Variants in DPT observed in about 807,000 individuals in gnomAD.
DPT encodes tyrosine-rich acidic matrix protein.
Under a neutral mutation model 31.2 loss-of-function variants are expected in DPT, and 21 were observed. The ratio of observed to expected loss-of-function variants is 0.67; its 90% CI spans 0.48 to 0.97. The LOEUF is 0.97. DPT is among the 50% of genes least tolerant of loss of function. The pLI is 0.00. For missense variants in DPT, 262 were observed against 258.8 expected (o/e 1.01, Z -0.08); for synonymous variants, 91 against 86.9 (o/e 1.05, Z -0.26).
intron 1 of DPT, among the ~76,000 whole-genome samples, chr1:168,720,464 CT>C (rs111497940): frequency 0.17 from 26,255 of 152,038 alleles, 2,663 homozygotes; most frequent in Non-Finnish European, 0.22. Context: ...GTTGGACTTG[CT>C]AAGAAGTTTG....
chr1:168,704,850 A>AT (rs1272753069), intron 2 of DPT, among the ~76,000 whole-genome samples: 1 of 152,148 alleles, frequency 6.6e-6, no homozygotes, highest in African/African-American at 2.4e-5. Context: ...TTGATATAGG[A>AT]TTTTTCTCAT....
At chr1:168,724,999 C>T (rs1448237294) in intron 1 of DPT, among the ~76,000 whole-genome samples, 1 of 152,150 alleles carries the variant, frequency 6.6e-6, no homozygotes, top group East Asian at 1.9e-4. Context: ...ACTCAGACTC[C>T]GTGGAAAGCT....
At chr1:168,703,869 T>C (rs1039623762) in intron 2 of DPT, among the ~76,000 whole-genome samples, 2 of 152,240 alleles carry the variant, frequency 1.3e-5, no homozygotes, top group African/African-American at 4.8e-5. Flanking sequence ...TGCTGTGTTC[T>C]GTATTTTCAA....
chr1:168,726,267 T>A (rs1650239785), intron 1 of DPT, among the ~76,000 whole-genome samples: 1 of 152,234 alleles, frequency 6.6e-6, no homozygotes, highest in African/African-American at 2.4e-5. Context: ...TTGACTCCCA[T>A]GGGCCAAATA....
At chr1:168,716,380 A>C (rs1572630557) in intron 1 of DPT, among the ~76,000 whole-genome samples, 1 of 152,150 alleles carries the variant, frequency 6.6e-6, no homozygotes, top group African/African-American at 2.4e-5. Context: ...CCCTGTTCCC[A>C]GGACTTGTAA....
At chr1:168,716,529 C>G (rs1256789484) in intron 1 of DPT, among the ~76,000 whole-genome samples, 1 of 151,182 alleles carries the variant, frequency 6.6e-6, no homozygotes, top group Non-Finnish European at 1.5e-5. Flanking sequence ...ATACATGTAT[C>G]TAGGTTTTAC....
intron 2 of DPT, among the ~76,000 whole-genome samples, chr1:168,704,211 A>G (rs1572625611): frequency 6.6e-6 from 1 of 152,148 alleles, no homozygotes; most frequent in African/African-American, 2.4e-5. Context: ...TTTTTTGGAA[A>G]AACACACTTC....
At chr1:168,715,075 C>A (rs866307612) in intron 1 of DPT, among the ~76,000 whole-genome samples, 1 of 152,194 alleles carries the variant, frequency 6.6e-6, no homozygotes, top group South Asian at 2.1e-4. Context: ...AACAGGCCAA[C>A]TGAATGCCTC....
intron 2 of DPT, among the ~76,000 whole-genome samples, chr1:168,710,395 T>C (rs1649824615): frequency 6.6e-6 from 1 of 152,172 alleles, no homozygotes; most frequent in African/African-American, 2.4e-5. Flanking sequence ...TTTCCCCACC[T>C]TTTGGCTCCA....
In DPT at chr1:168,724,319, C is replaced by A. The variant is rs116691079; in HGVS notation, c.305+4551G>T. 3.0e-3 allele frequency among the ~76,000 whole-genome samples: 456 copies of A among 152,306 alleles called. 3 individuals are homozygous for A. The highest frequency in any genetic ancestry group is 0.01 in the African/African-American group (434 of 41,568). ...CTATAGACACTGGAATATTGGGAAT[C>A]AAAGACATAAGCAAAATGGTTCCCC... On this transcript the variant is annotated intron_variant, in intron 1 of 3. Coordinates refer to ENST00000367817, the MANE Select transcript of DPT (RefSeq NM_001937.5).
At chr1:168,726,975 C>A (rs529695494) in intron 1 of DPT, among the ~76,000 whole-genome samples, 1 of 152,340 alleles carries the variant, frequency 6.6e-6, no homozygotes, top group African/African-American at 2.4e-5. Flanking sequence ...TGAGTCCTCT[C>A]CCCACCCCTT....
chr1:168,702,948 A>T, intron 2 of DPT, among the ~76,000 whole-genome samples: 1 of 152,274 alleles, frequency 6.6e-6, no homozygotes, highest in Admixed American at 6.5e-5. Context: ...ATAGGGCCTT[A>T]CTTGGATCCC....
intron 1 of DPT, 152 bp downstream of exon 1, chr1:168,728,718 C>T (rs967250299): frequency 8.4e-6 from 8 of 955,144 alleles, no homozygotes; most frequent in Non-Finnish European, 1.2e-5. Context: ...CAGCAGCAGC[C>T]CTGCTCCACC....
chr1:168,728,802 C>T, intron 1 of DPT, 68 bp downstream of exon 1: 5 of 1,556,090 alleles, frequency 3.2e-6, no homozygotes, highest in Non-Finnish European at 4.4e-6. Context: ...GAGAGTCTAG[C>T]AGCCCCCAGG....
intron 2 of DPT, among the ~76,000 whole-genome samples, chr1:168,712,154 C>T (rs994365064): frequency 6.6e-6 from 1 of 152,214 alleles, no homozygotes; most frequent in Admixed American, 6.5e-5. Context: ...CCTCCAGACA[C>T]TGGAAGTCCA....
At chr1:168,703,283 T>G (rs1649643246) in intron 2 of DPT, among the ~76,000 whole-genome samples, 1 of 152,232 alleles carries the variant, frequency 6.6e-6, no homozygotes, top group Non-Finnish European at 1.5e-5. Context: ...TAGATTTTTA[T>G]TTTTTAAGTT....
chr1:168,705,354 A>G (rs1649695713), intron 2 of DPT, among the ~76,000 whole-genome samples: 1 of 152,092 alleles, frequency 6.6e-6, no homozygotes, highest in African/African-American at 2.4e-5. Context: ...CTTTCCCTCC[A>G]ATTGATGTGC....
chr1:168,721,861 C>T (rs1043419505), intron 1 of DPT, among the ~76,000 whole-genome samples: 2 of 152,200 alleles, frequency 1.3e-5, no homozygotes, highest in Non-Finnish European at 2.9e-5. Flanking sequence ...TGCTCTCTTC[C>T]TGCCTGCATC....
At chr1:168,727,851 T>C (rs1032873122) in intron 1 of DPT, among the ~76,000 whole-genome samples, 1 of 152,114 alleles carries the variant, frequency 6.6e-6, no homozygotes, top group African/African-American at 2.4e-5. Flanking sequence ...ATTTTGTGCT[T>C]GACCCCTCCA....
Sources: allele counts gnomAD v4.1 joint callset (sites outside exome capture counted in the v4.1 genomes callset), GRCh38; gene constraint gnomAD v4.1.1; transcripts MANE v1.5; gene names NCBI Gene and HGNC (gene_info 2026-07-23, HGNC 2026-07-21).